The following RNF216 variants were observed in gnomAD, a reference collection of about 807,000 sequenced individuals.
The protein encoded by RNF216 is E3 ubiquitin-protein ligase RNF216.
In RNF216, 72 loss-of-function variants were observed where a neutral mutation model predicts 110.8. That is an observed-to-expected ratio of 0.65 (90% confidence interval 0.54 to 0.79). RNF216 has a LOEUF of 0.79. RNF216 is among the 30% of genes least tolerant of loss of function. The pLI, the probability that RNF216 is intolerant of heterozygous loss-of-function variation, is 0.00. For missense variants in RNF216, 1,342 were observed against 1,141.2 expected (o/e 1.18, Z -2.54); for synonymous variants, 495 against 407.5 (o/e 1.21, Z -2.59).
intron 13 of RNF216, among the ~76,000 whole-genome samples, chr7:5,663,327 T>C (rs1226416583): frequency 6.6e-6 from 1 of 152,124 alleles, no homozygotes; most frequent in African/African-American, 2.4e-5. Flanking sequence ...ACGCCTGTAA[T>C]CCCAGCACTT....
intron 3 of RNF216, among the ~76,000 whole-genome samples, chr7:5,742,830 A>C (rs1325057228): frequency 6.6e-6 from 1 of 152,050 alleles, no homozygotes. Flanking sequence ...TCCTGACCTC[A>C]GATGACTGGC....
intron 13 of RNF216, among the ~76,000 whole-genome samples, chr7:5,667,415 C>G (rs552278801): frequency 6.6e-6 from 1 of 152,286 alleles, no homozygotes; most frequent in African/African-American, 2.4e-5. Context: ...TAGGAAGTCC[C>G]AAGGATCACT....
intron 13 of RNF216, among the ~76,000 whole-genome samples, chr7:5,697,562 A>C (rs1457580877): frequency 6.6e-6 from 1 of 152,116 alleles, no homozygotes; most frequent in Non-Finnish European, 1.5e-5. Context: ...TGTTTGTTTA[A>C]AGAGATGAGG....
At chr7:5,651,275 G>A (rs1788370099) in intron 14 of RNF216, among the ~76,000 whole-genome samples, 1 of 151,564 alleles carries the variant, frequency 6.6e-6, no homozygotes, top group South Asian at 2.1e-4. Flanking sequence ...CCAGGCTGTA[G>A]TGTTGTAGTG....
At chr7:5,774,419 G>A (rs1334681994) in intron 1 of RNF216, among the ~76,000 whole-genome samples, 3 of 152,142 alleles carry the variant, frequency 2.0e-5, no homozygotes, top group Non-Finnish European at 4.4e-5. Context: ...AGCATAGGCG[G>A]CAGAGGGAGA....
intron 8 of RNF216, among the ~76,000 whole-genome samples, chr7:5,722,368 T>TG (rs1344390856): frequency 4.8e-4 from 11 of 22,816 alleles, no homozygotes; most frequent in Non-Finnish European, 2.2e-3. Flanking sequence ...CTCATTCTCA[T>TG]GTTTTTTTTT....
intron 15 of RNF216, among the ~76,000 whole-genome samples, chr7:5,629,253 G>T (rs1215306412): frequency 6.6e-6 from 1 of 150,820 alleles, no homozygotes; most frequent in African/African-American, 2.4e-5. Flanking sequence ...GAGGCAGCAG[G>T]ATCGCTTGAG....
chr7:5,749,170 A>G (rs1412897485), intron 3 of RNF216, among the ~76,000 whole-genome samples: 2 of 81,300 alleles, frequency 2.5e-5, no homozygotes, highest in African/African-American at 4.6e-5. Flanking sequence ...TTTTTTTTTG[A>G]GACAGGGTCT....
chr7:5,641,417 G>A (rs1339381570), intron 14 of RNF216, 41 bp from the exon 15 acceptor site: 5 of 1,529,326 alleles, frequency 3.3e-6, no homozygotes, highest in Admixed American at 1.8e-5. Context: ...GAGGGAAGAT[G>A]AGGAGGAAAA....
chr7:5,625,503 CA>C (rs2128555891), intron 15 of RNF216, among the ~76,000 whole-genome samples: 2 of 152,282 alleles, frequency 1.3e-5, no homozygotes, highest in East Asian at 3.9e-4. Flanking sequence ...ATCCTTGGCC[CA>C]GTAGAAGATG....
intron 13 of RNF216, among the ~76,000 whole-genome samples, chr7:5,682,071 A>C (rs1395768750): frequency 2.0e-5 from 3 of 152,178 alleles, no homozygotes; most frequent in Non-Finnish European, 2.9e-5. Flanking sequence ...TGATGGAGAA[A>C]TGCTTGCAGA....
intron 15 of RNF216, among the ~76,000 whole-genome samples, chr7:5,639,352 C>A (rs777835645): frequency 1.3e-5 from 2 of 152,148 alleles, no homozygotes; most frequent in Non-Finnish European, 2.9e-5. Flanking sequence ...GCTAGCCCAC[C>A]CCTGGGCTGT....
intron 14 of RNF216, among the ~76,000 whole-genome samples, 171 bp downstream of exon 14, chr7:5,652,242 T>C (rs1788436544): frequency 6.6e-6 from 1 of 152,146 alleles, no homozygotes; most frequent in South Asian, 2.1e-4. Flanking sequence ...TCCATGAGGC[T>C]GCAGAGATGA....
intron 1 of RNF216, among the ~76,000 whole-genome samples, chr7:5,761,432 A>G (rs1027192703): frequency 2.2e-4 from 33 of 152,366 alleles, no homozygotes; most frequent in African/African-American, 7.9e-4. Context: ...TCAATTCACA[A>G]AAAAGAAAAC....
intron 3 of RNF216, among the ~76,000 whole-genome samples, chr7:5,743,821 T>G (rs890170201): frequency 2.6e-5 from 4 of 152,166 alleles, no homozygotes; most frequent in East Asian, 1.9e-4. Flanking sequence ...AGGGCCAAGC[T>G]GGAAATACCC....
At chr7:5,699,651 CAG>C (rs1791842171) in intron 13 of RNF216, among the ~76,000 whole-genome samples, 1 of 152,224 alleles carries the variant, frequency 6.6e-6, no homozygotes, top group South Asian at 2.1e-4. Flanking sequence ...TGTACAGAAA[CAG>C]AGCACGAACT....
At chr7:5,761,509 C>T (rs1465149332) in intron 1 of RNF216, among the ~76,000 whole-genome samples, 1 of 152,148 alleles carries the variant, frequency 6.6e-6, no homozygotes, top group African/African-American at 2.4e-5. Flanking sequence ...ATGTTTCAGC[C>T]AGACGCAGTG....
In RNF216 at chr7:5,739,144, T is replaced by C. The variant is rs1584544904; in HGVS notation, c.1121+132A>G. On this transcript the variant is annotated intron_variant, in intron 5 of 16. Transcript: ENST00000389902. ...TTCTGAAGATGGATGGTGGTGATAG[T>C]TGCATAATAATGTGAATTTACTTAA... The C allele has an allele frequency of 1.4e-5, 15 of 1,097,644 alleles. No individual in the cohort carries two copies. The East Asian group carries it at 3.0e-4, about 22-fold the overall frequency. 68.0% of individuals were successfully genotyped at this position (1,097,644 alleles called of 1,614,324 possible).
chr7:5,750,580 C>G (rs1415493054), intron 3 of RNF216, among the ~76,000 whole-genome samples: 1 of 152,186 alleles, frequency 6.6e-6, no homozygotes, highest in Non-Finnish European at 1.5e-5. Context: ...GTTCCTGAAG[C>G]CCTATAAGCT....
Sources: gnomAD v4.1 joint callset for allele counts (sites outside exome capture counted in the v4.1 genomes callset) on GRCh38, gnomAD v4.1.1 for gene constraint, MANE v1.5 for transcripts, NCBI Gene and HGNC (gene_info 2026-07-23, HGNC 2026-07-21) for gene names.